Variants in MCF2 observed in about 807,000 individuals in gnomAD.
MCF2 encodes the protein proto-oncogene DBL.
A neutral mutation model predicts 82.5 loss-of-function variants in MCF2; 44 were observed. The ratio of observed to expected loss-of-function variants is 0.53; its 90% confidence interval spans 0.42 to 0.69. The LOEUF is 0.69. Among genes scored for constraint, MCF2 ranks in the 30% least tolerant of loss-of-function variants. The pLI, the probability that MCF2 is intolerant of heterozygous loss-of-function variation, is 0.00. For missense variants in MCF2, 623 were observed against 663.1 expected (o/e 0.94, Z 0.66); for synonymous variants, 217 against 224.9 (o/e 0.96, Z 0.32).
At chrX:139,596,858 C>T (rs111720858) in intron 18 of MCF2, 88 bp from the exon 23 acceptor site, 5 of 598,511 alleles carry the variant, frequency 8.4e-6, no homozygotes, top group African/African-American at 2.2e-5. Context: ...GCTTAAGCTA[C>T]TCAAACCCTG....
intron 19 of MCF2, among the ~76,000 whole-genome samples, chrX:139,594,908 T>C (rs1343994765): frequency 9.0e-6 from 1 of 111,047 alleles, no homozygotes; most frequent in Non-Finnish European, 1.9e-5. Context: ...CATCAAAAAG[T>C]GGGCGAAGGA....
At chrX:139,691,833 G>C in intron 1 of MCF2, 1 of 816,939 alleles carries the variant, frequency 1.2e-6, no homozygotes, top group Non-Finnish European at 1.8e-6. Context: ...AGAAAAGCCG[G>C]CCGGGCTGGG....
chrX:139,703,443 T>C (rs999953287), intron 1 of MCF2, among the ~76,000 whole-genome samples: 2 of 109,351 alleles, frequency 1.8e-5, no homozygotes, highest in African/African-American at 6.7e-5. Context: ...ACAGAGAAAA[T>C]AGGAAAGGAT....
intron 1 of MCF2, among the ~76,000 whole-genome samples, chrX:139,665,552 G>T (rs1167707478): frequency 9.0e-6 from 1 of 111,134 alleles, no homozygotes; most frequent in Non-Finnish European, 1.9e-5. Flanking sequence ...GCAGGGTAGT[G>T]GGGGAGGGAT....
intron 1 of MCF2, 141 bp from the exon 2 acceptor site, chrX:139,651,929 T>C (rs1934034630): frequency 5.2e-6 from 2 of 382,835 alleles, no homozygotes; most frequent in Non-Finnish European, 9.3e-6. Context: ...TCGATCTCTT[T>C]CCTCCTCTCA....
In MCF2 at chrX:139,614,873, C is replaced by A; in HGVS notation, c.1363+8G>T. 2 of 1,192,275 alleles carry A rather than the reference C, an allele frequency of 1.7e-6. No homozygotes were observed. The highest frequency in any genetic ancestry group is 1.9e-5 in the South Asian group (1 of 53,647). On this transcript the variant is annotated splice_region_variant and intron_variant, in intron 10 of 24. Transcript: ENST00000370576. ...AAAAAAAGAGACAGAGAAAGTAAGA[C>A]ATTTTACCTTGTTTAGATGAAAAAA...
upstream of MCF2, among the ~76,000 whole-genome samples, chrX:139,647,666 T>A (rs1331182891): frequency 1.8e-5 from 2 of 111,178 alleles, no homozygotes; most frequent in Non-Finnish European, 3.8e-5. Flanking sequence ...GAACCAGGAA[T>A]AATGGTAACT....
At chrX:139,597,718 G>A in intron 17 of MCF2, 133 bp from the exon 22 acceptor site, 1 of 410,781 alleles carries the variant, frequency 2.4e-6, no homozygotes, top group Non-Finnish European at 4.1e-6. Context: ...CCTTTTACAT[G>A]CCCTTTGCTG....
upstream of MCF2, among the ~76,000 whole-genome samples, chrX:139,647,595 C>T (rs943172483): frequency 5.4e-4 from 60 of 111,020 alleles, no homozygotes; most frequent in African/African-American, 1.7e-3. Flanking sequence ...GTGACCTTGA[C>T]TCCTGGAAAG....
rs1012502503 is a variant in MCF2, at chrX:139,614,059, C to T, written c.1363+822G>A. 2.7e-5 allele frequency among the ~76,000 whole-genome samples: 3 copies of T among 110,308 alleles called. No individual in the cohort carries two copies. In the Admixed American group the frequency reaches 2.9e-4, roughly 11 times the overall value. ...TCTGACTCTATTTAGATCAGACAGA[C>T]CAAATTTACTCCCATCTTCACCCAT... On this transcript the variant is annotated intron_variant, in intron 10 of 24. Transcript: ENST00000370576.
intron 15 of MCF2, among the ~76,000 whole-genome samples, chrX:139,604,356 G>T (rs1427944657): frequency 1.8e-5 from 2 of 108,976 alleles, no homozygotes; most frequent in African/African-American, 6.7e-5. Flanking sequence ...AGATGGTTTT[G>T]TTATCATGAT....
chrX:139,594,022 C>T (rs1211047477), intron 19 of MCF2, among the ~76,000 whole-genome samples: 1 of 110,663 alleles, frequency 9.0e-6, no homozygotes, highest in Non-Finnish European at 1.9e-5. Flanking sequence ...TTACAAGGGA[C>T]ATGAAGGACC....
intron 3 of MCF2, among the ~76,000 whole-genome samples, chrX:139,630,900 C>T (rs771319779): frequency 1.4e-4 from 16 of 112,166 alleles, no homozygotes; most frequent in East Asian, 1.1e-3. Context: ...CACTTATTGA[C>T]GGTTTGCCAT....
At chrX:139,609,245 A>C (rs77207851) in intron 11 of MCF2, among the ~76,000 whole-genome samples, 1 of 112,617 alleles carries the variant, frequency 8.9e-6, no homozygotes, top group African/African-American at 3.2e-5. Context: ...ACACAAGAAG[A>C]AAATGTGGGG....
At chrX:139,651,164 TCAAAATGGTTAAAATGATAAGTTGTA>T (rs1933996301) in intron 2 of MCF2, among the ~76,000 whole-genome samples, 2 of 110,803 alleles carry the variant, frequency 1.8e-5, no homozygotes, top group South Asian at 7.5e-4. Flanking sequence ...ACTGTACTCT[TCAAAATGGTTAAAATGATAAGTTGTA>T]TGTTAAATTT....
At chrX:139,637,308 T>C (rs1376536737) in intron 1 of MCF2, among the ~76,000 whole-genome samples, 3 of 111,306 alleles carry the variant, frequency 2.7e-5, no homozygotes, top group Admixed American at 1.9e-4. Flanking sequence ...TCAGTTATTT[T>C]TCTAGAAAAC....
chrX:139,684,319 G>C (rs1440435608), intron 1 of MCF2, among the ~76,000 whole-genome samples: 3 of 112,265 alleles, frequency 2.7e-5, no homozygotes, highest in African/African-American at 9.7e-5. Flanking sequence ...GAAATAAAGA[G>C]AGATTAACAT....
intron 1 of MCF2, among the ~76,000 whole-genome samples, chrX:139,652,939 A>AC (rs1348226134): frequency 4.5e-5 from 5 of 109,995 alleles, no homozygotes; most frequent in Admixed American, 3.9e-4. Flanking sequence ...TGTTATAGAC[A>AC]CCCCCCCGAC....
At chrX:139,683,439 C>T (rs772357016) in intron 1 of MCF2, among the ~76,000 whole-genome samples, 20 of 112,563 alleles carry the variant, frequency 1.8e-4, no homozygotes, top group Admixed American at 1.5e-3. Context: ...AATGCCATCC[C>T]TAGCAACATC....
Sources: allele counts gnomAD v4.1 joint callset (sites outside exome capture counted in the v4.1 genomes callset), GRCh38; gene constraint gnomAD v4.1.1; transcripts MANE v1.5; gene names NCBI Gene and HGNC (gene_info 2026-07-23, HGNC 2026-07-21).